BORCS5: variants seen among roughly 807,000 people sequenced by gnomAD.
BORCS5 encodes BLOC-1-related complex subunit 5.
A neutral mutation model predicts 22.1 loss-of-function variants in BORCS5; 17 were observed. The ratio of observed to expected loss-of-function variants is 0.77; its 90% CI spans 0.53 to 1.15. The LOEUF (loss-of-function observed/expected upper bound fraction) is 1.15, where lower values mean the gene tolerates loss of function less well. Among genes scored for constraint, BORCS5 ranks in the 50% most tolerant of loss-of-function variants. The pLI is 0.00. For synonymous variants in BORCS5, 117 were observed against 99.8 expected, an observed-to-expected ratio of 1.17 and a Z score of -1.03; for missense variants, 247 against 253.2, an observed-to-expected ratio of 0.98 and a Z score of 0.17.
At chr12:12,439,693 C>T (rs1942641572) in intron 3 of BORCS5, among the ~76,000 whole-genome samples, 1 of 152,046 alleles carries the variant, frequency 6.6e-6, no homozygotes, top group Non-Finnish European at 1.5e-5. Context: ...CAGTAATTAC[C>T]CAGGATTATT....
chr12:12,371,088 A>C (rs1406739651), intron 2 of BORCS5, among the ~76,000 whole-genome samples: 2 of 152,078 alleles, frequency 1.3e-5, no homozygotes, highest in East Asian at 1.9e-4. Flanking sequence ...TACTTTGAAA[A>C]TGTCTTTATT....
chr12:12,441,443 G>T (rs1942680784), intron 3 of BORCS5, among the ~76,000 whole-genome samples: 1 of 152,184 alleles, frequency 6.6e-6, no homozygotes, highest in Non-Finnish European at 1.5e-5. Context: ...AGTGAGAACA[G>T]AATGACATCC....
intron 2 of BORCS5, among the ~76,000 whole-genome samples, chr12:12,419,618 A>T (rs1942062161): frequency 6.6e-6 from 1 of 152,220 alleles, no homozygotes; most frequent in Non-Finnish European, 1.5e-5. Context: ...AGGAATTGCC[A>T]CATTGTCTTC....
chr12:12,431,402 T>TG (rs1942421487), intron 2 of BORCS5, among the ~76,000 whole-genome samples: 1 of 124,782 alleles, frequency 8.0e-6, no homozygotes, highest in African/African-American at 3.6e-5. Context: ...TTTTGCTAAT[T>TG]CTTTTTTTTT....
chr12:12,454,133 G>C (rs1942959747), intron 3 of BORCS5, among the ~76,000 whole-genome samples: 1 of 152,268 alleles, frequency 6.6e-6, no homozygotes, highest in South Asian at 2.1e-4. Flanking sequence ...GAATAATGCT[G>C]CTATAAACAT....
intron 2 of BORCS5, among the ~76,000 whole-genome samples, chr12:12,388,108 T>C (rs2136053320): frequency 6.6e-6 from 1 of 151,606 alleles, no homozygotes; most frequent in East Asian, 1.9e-4. Flanking sequence ...ATTATATTAA[T>C]TGAGACTCTT....
rs567507941 is a variant in BORCS5, at chr12:12,374,796, A to G, written c.202+13447A>G. ...AACATGGTGAAACCCCATCTCCACT[A>G]AAGACAAAAAAATTAACCGGGCGTG... On this transcript the variant is annotated intron_variant, in intron 2 of 3. Coordinates refer to ENST00000314565, the MANE Select transcript of BORCS5 (RefSeq NM_058169.6). Among the ~76,000 whole-genome samples, 5 of 151,824 alleles carry G rather than the reference A, an allele frequency of 3.3e-5. No individual in the cohort carries two copies. In the South Asian group the frequency reaches 1.0e-3, roughly 32 times the overall value.
intron 3 of BORCS5, among the ~76,000 whole-genome samples, chr12:12,459,309 G>C (rs931785249): frequency 6.6e-6 from 1 of 151,760 alleles, no homozygotes; most frequent in East Asian, 1.9e-4. Context: ...CCCCAAGGTA[G>C]CAATTTTTTT....
At chr12:12,439,577 G>T (rs992145306) in intron 3 of BORCS5, among the ~76,000 whole-genome samples, 1 of 152,158 alleles carries the variant, frequency 6.6e-6, no homozygotes, top group Non-Finnish European at 1.5e-5. Flanking sequence ...GCGGTGAGCC[G>T]AGATCTCCAC....
chr12:12,408,684 G>T (rs1049233112), intron 2 of BORCS5, among the ~76,000 whole-genome samples: 21 of 152,160 alleles, frequency 1.4e-4, no homozygotes, highest in African/African-American at 4.1e-4. Flanking sequence ...TTCACTTAGT[G>T]TAATGTCCTC....
chr12:12,376,763 AGT>A (rs1331433704), intron 2 of BORCS5, among the ~76,000 whole-genome samples: 1 of 152,164 alleles, frequency 6.6e-6, no homozygotes, highest in Non-Finnish European at 1.5e-5. Context: ...GCCTTCCTTT[AGT>A]GTAGTAATTA....
In BORCS5 at chr12:12,415,995, A is replaced by G. The variant is rs1448765433; in HGVS notation, c.203-19633A>G. 2.6e-5 allele frequency among the ~76,000 whole-genome samples: 4 copies of G among 152,168 alleles called. No homozygotes were observed. The East Asian group carries it at 5.8e-4, about 22-fold the overall frequency. On this transcript the variant is annotated intron_variant, in intron 2 of 3. Transcript: ENST00000314565. ...AGGAGATTTTTTTATTATGTATTCA[A>G]TCTCCTTACTAATTATAGGTCTATT...
chr12:12,425,732 A>G (rs187720022), intron 2 of BORCS5, among the ~76,000 whole-genome samples: 1 of 152,292 alleles, frequency 6.6e-6, no homozygotes, highest in East Asian at 1.9e-4. Flanking sequence ...TGCCTTCCTT[A>G]TAAATAACTC....
At chr12:12,358,612 G>T (rs942473893) in intron 1 of BORCS5, among the ~76,000 whole-genome samples, 1 of 152,170 alleles carries the variant, frequency 6.6e-6, no homozygotes, top group Non-Finnish European at 1.5e-5. Flanking sequence ...TTGTTTTCTT[G>T]CCCATGAACC....
intron 2 of BORCS5, among the ~76,000 whole-genome samples, chr12:12,407,562 G>T (rs902314065): frequency 6.6e-6 from 1 of 151,940 alleles, no homozygotes; most frequent in Admixed American, 6.6e-5. Flanking sequence ...TCACATTGTT[G>T]TGCAGTATCA....
intron 2 of BORCS5, among the ~76,000 whole-genome samples, chr12:12,367,789 C>T (rs996615944): frequency 3.3e-5 from 5 of 152,172 alleles, no homozygotes; most frequent in African/African-American, 9.7e-5. Context: ...GTATTCATGC[C>T]TTTCTCTGAA....
chr12:12,384,834 CAG>C lies in BORCS5; in HGVS notation c.202+23486_202+23487del, dbSNP rs546484515. The stretch of plus-strand genomic sequence containing the variant: ...CAGTTGGTGGCTGGAGCTGAAATAA[CAG>C]GGGCTGGAGCAGCTGGGGGCCGTCT... On this transcript the variant is annotated intron_variant, in intron 2 of 3. Transcript: ENST00000314565. Among the ~76,000 whole-genome samples, 51 of 151,320 alleles carry C rather than the reference CAG, an allele frequency of 3.4e-4. 3 individuals are homozygous for C. Among genetic ancestry groups the C allele is most frequent in the Middle Eastern group, 6.8e-3 (2 of 292 alleles).
At chr12:12,402,850 A>G (rs967956647) in intron 2 of BORCS5, among the ~76,000 whole-genome samples, 2 of 152,196 alleles carry the variant, frequency 1.3e-5, no homozygotes, top group African/African-American at 4.8e-5. Flanking sequence ...GTTTCCTTCT[A>G]AGGTATAATT....
rs533918290 is a variant in BORCS5 at position 12,411,620 on chromosome 12, C to CAATCTAT, written c.203-24007_203-24001dup. Among the ~76,000 whole-genome samples, 15 of 152,000 alleles carry CAATCTAT rather than the reference C, an allele frequency of 9.9e-5. No individual in the cohort carries two copies. The South Asian group carries it at 3.1e-3, about 32-fold the overall frequency. Reference sequence around the variant, plus strand: ...ATAAAGTTTTAAAATTTTCATTGTCCAATCTATCTTTTTTTGTTGTTGCCA... The same window carrying CAATCTAT: ...ATAAAGTTTTAAAATTTTCATTGTCCAATCTATAATCTATCTTTTTTTGTTGTTGCCA... On this transcript the variant is annotated intron_variant, in intron 2 of 3. Transcript: ENST00000314565.
Sources: allele counts gnomAD v4.1 joint callset (sites outside exome capture counted in the v4.1 genomes callset), GRCh38; gene constraint gnomAD v4.1.1; transcripts MANE v1.5; gene names NCBI Gene and HGNC (gene_info 2026-07-23, HGNC 2026-07-21).